The following INSR variants were observed in gnomAD, a reference collection of about 807,000 sequenced individuals.
The protein encoded by INSR is insulin receptor.
Under a neutral mutation model 142.6 loss-of-function variants are expected in INSR, and 67 were observed. The ratio of observed to expected loss-of-function variants is 0.47; its 90% confidence interval spans 0.39 to 0.58. The LOEUF (loss-of-function observed/expected upper bound fraction) is 0.58. Ranked by LOEUF, INSR falls within the 20% of genes least tolerant of loss-of-function variation. The pLI is 0.00. For missense variants in INSR, 1,248 were observed against 1,833.2 expected, an observed-to-expected ratio of 0.68 and a Z score of 5.83; for synonymous variants, 756 against 743.1, an observed-to-expected ratio of 1.02 and a Z score of -0.28.
At chr19:7,219,104 TAAA>T (rs1238245361) in intron 2 of INSR, among the ~76,000 whole-genome samples, 2 of 152,144 alleles carry the variant, frequency 1.3e-5, no homozygotes, top group Non-Finnish European at 2.9e-5. Context: ...AAAGTGGATT[TAAA>T]AAACAAACAA....
rs532331813 is a variant in INSR, at chr19:7,147,427, G to A, written c.2267+3070C>T. 2.4e-3 allele frequency among the ~76,000 whole-genome samples: 372 copies of A among 151,940 alleles called. 2 individuals carry two copies. The highest frequency in any genetic ancestry group is 8.5e-3 in the African/African-American group (353 of 41,458). ...TGACCTCAGGTGATCCGCCTGCCTG[G>A]GCCTCCCAAAGTGCTGCGATTACAG... On this transcript the variant is annotated intron_variant, in intron 11 of 21. Transcript: ENST00000302850.
chr19:7,156,046 G>A (rs1973582940), intron 9 of INSR, among the ~76,000 whole-genome samples: 3 of 145,274 alleles, frequency 2.1e-5, no homozygotes, highest in Non-Finnish European at 4.5e-5. Flanking sequence ...AATGCCATAT[G>A]GAATTCTTTT....
At chr19:7,259,771 A>T (rs1977002060) in intron 2 of INSR, among the ~76,000 whole-genome samples, 1 of 151,798 alleles carries the variant, frequency 6.6e-6, no homozygotes, top group African/African-American at 2.4e-5. Context: ...GTGAGCTCAG[A>T]TCATGCCACT....
chr19:7,238,393 G>A (rs569303077), intron 2 of INSR, among the ~76,000 whole-genome samples: 33 of 152,148 alleles, frequency 2.2e-4, no homozygotes, highest in African/African-American at 7.0e-4. Context: ...GCTGAGGTGC[G>A]TAGATCACTT....
At chr19:7,275,806 TCAGTCTTAC>T (rs2145226877) in intron 1 of INSR, among the ~76,000 whole-genome samples, 1 of 151,636 alleles carries the variant, frequency 6.6e-6, no homozygotes, top group East Asian at 1.9e-4. Context: ...AAAAAAGAAT[TCAGTCTTAC>T]CAGCCACAAC....
At chr19:7,282,559 G>A (rs1968232208) in intron 1 of INSR, among the ~76,000 whole-genome samples, 1 of 151,574 alleles carries the variant, frequency 6.6e-6, no homozygotes, top group African/African-American at 2.4e-5. Flanking sequence ...GCACATGCCT[G>A]TAGTCCCAGC....
chr19:7,157,376 A>G (rs1198811364), intron 9 of INSR, among the ~76,000 whole-genome samples: 4 of 151,564 alleles, frequency 2.6e-5, no homozygotes, highest in African/African-American at 7.3e-5. Flanking sequence ...TGGCCTCCCA[A>G]AGTGCTGGGA....
chr19:7,250,278 A>C, intron 2 of INSR, among the ~76,000 whole-genome samples: 1 of 123,210 alleles, frequency 8.1e-6, no homozygotes, highest in Non-Finnish European at 1.7e-5. Flanking sequence ...GGAGAGGGGA[A>C]GGAGGGGAGG....
Position 7,293,913 on chromosome 19 carries a change from C to T in INSR, c.-22G>A. On this transcript the variant is annotated 5_prime_UTR_variant, in exon 1 of 22. Coordinates refer to ENST00000302850, the MANE Select transcript of INSR (RefSeq NM_000208.4). ...CCATGGCTGCGGGAGCGCGGGGTCT[C>T]CTCGGATCAGAGCGCGCGGCGCTGG... The T allele has an allele frequency of 8.4e-7, 1 of 1,196,694 alleles. No individual in the cohort carries two copies. The highest frequency in any genetic ancestry group is 1.0e-6 in the Non-Finnish European group (1 of 969,696). 74.1% of individuals were successfully genotyped at this position (1,196,694 alleles called of 1,614,324 possible).
intron 2 of INSR, among the ~76,000 whole-genome samples, chr19:7,232,495 A>G (rs1976010189): frequency 6.6e-6 from 1 of 152,194 alleles, no homozygotes; most frequent in South Asian, 2.1e-4. Flanking sequence ...CACCCCGGCC[A>G]TGTGCATTTT....
chr19:7,153,678 C>T (rs1973512055), intron 9 of INSR, among the ~76,000 whole-genome samples: 1 of 152,058 alleles, frequency 6.6e-6, no homozygotes. Flanking sequence ...TGATTGCACC[C>T]CTACACTTCA....
At chr19:7,131,770 G>T (rs547855314) in intron 14 of INSR, among the ~76,000 whole-genome samples, 1 of 147,516 alleles carries the variant, frequency 6.8e-6, no homozygotes, top group Non-Finnish European at 1.5e-5. Flanking sequence ...AGGCCGAGGC[G>T]GGTGGATCAC....
At chr19:7,122,072 G>A (rs935934291) in intron 19 of INSR, among the ~76,000 whole-genome samples, 1 of 151,900 alleles carries the variant, frequency 6.6e-6, no homozygotes, top group African/African-American at 2.4e-5. Context: ...GAACCCAAGA[G>A]GTGGAGGTTC....
chr19:7,237,028 A>C (rs76748330), intron 2 of INSR, among the ~76,000 whole-genome samples: 1 of 111,396 alleles, frequency 9.0e-6, no homozygotes, highest in African/African-American at 3.8e-5. Context: ...CTCTGTCTCA[A>C]AAAAAAAAAA....
At chr19:7,291,126 T>C (rs993852626) in intron 1 of INSR, among the ~76,000 whole-genome samples, 8 of 152,084 alleles carry the variant, frequency 5.3e-5, no homozygotes, top group Admixed American at 5.2e-4. Context: ...AAAAGTTCTT[T>C]GCCCCTCCCC....
chr19:7,241,177 GTTT>G (rs80160830), intron 2 of INSR, among the ~76,000 whole-genome samples: 57 of 137,742 alleles, frequency 4.1e-4, no homozygotes, highest in East Asian at 8.8e-4. Flanking sequence ...ATTTTATTTT[GTTT>G]TTTTTTTTTT....
At chr19:7,194,965 A>G (rs4804377) in intron 2 of INSR, among the ~76,000 whole-genome samples, 113,073 of 151,906 alleles carry the variant, frequency 0.74, 42,334 homozygotes, top group African/African-American at 0.8. Flanking sequence ...AGATGACACA[A>G]AAACCCCATC....
chr19:7,294,046 G>T lies in INSR; in HGVS notation c.-155C>A. 1 of 807,104 alleles carries T rather than the reference G, an allele frequency of 1.2e-6. No homozygotes were observed. Among genetic ancestry groups the T allele is most frequent in the Non-Finnish European group, 1.6e-6 (1 of 639,914 alleles). 50.0% of individuals were successfully genotyped at this position (807,104 alleles called of 1,614,324 possible). On this transcript the variant is annotated 5_prime_UTR_variant, in exon 1 of 22. Transcript: ENST00000302850. ...GGCCGCAGCCCCCCTGCCGGGGAGG[G>T]CCCAGAGGCAGCCCCGGGAAGGGCG... is the stretch of plus-strand genomic sequence containing the variant.
intron 21 of INSR, among the ~76,000 whole-genome samples, chr19:7,118,490 A>T (rs991286512): frequency 2.0e-5 from 3 of 151,790 alleles, no homozygotes; most frequent in Admixed American, 6.6e-5. Flanking sequence ...GGTAATTTTT[A>T]TATTTTTAAT....
Sources: allele counts gnomAD v4.1 joint callset (sites outside exome capture counted in the v4.1 genomes callset), GRCh38; gene constraint gnomAD v4.1.1; transcripts MANE v1.5; gene names NCBI Gene and HGNC (gene_info 2026-07-23, HGNC 2026-07-21).